FSTL5: variants seen among roughly 807,000 people sequenced by gnomAD.
FSTL5 encodes follistatin-related protein 5.
In FSTL5, 62 loss-of-function variants were observed where a neutral mutation model predicts 89.1. The observed-to-expected ratio is 0.70, with a 90% CI of 0.57 to 0.86. The LOEUF is 0.86. FSTL5 is among the 40% of genes least tolerant of loss of function. FSTL5 has a pLI of 0.00. For missense variants in FSTL5, 1,057 were observed against 1,001.6 expected (o/e 1.06, Z -0.75); for synonymous variants, 383 against 346.2 (o/e 1.11, Z -1.18).
intron 1 of FSTL5, among the ~76,000 whole-genome samples, chr4:162,156,061 A>C (rs1254052374): frequency 6.6e-6 from 1 of 152,192 alleles, no homozygotes; most frequent in Admixed American, 6.5e-5. Flanking sequence ...TTGACTTCAG[A>C]CAAAACTTGG....
intron 8 of FSTL5, among the ~76,000 whole-genome samples, chr4:161,579,763 GA>G (rs202138753): frequency 2.9e-5 from 1 of 34,682 alleles, no homozygotes; most frequent in African/African-American, 7.2e-5. Context: ...AAGAAAAAAA[GA>G]AAAAAAAATG....
chr4:161,734,786 C>T (rs578014909), intron 6 of FSTL5, among the ~76,000 whole-genome samples: 2 of 152,252 alleles, frequency 1.3e-5, no homozygotes, highest in South Asian at 2.1e-4. Context: ...TCCTCATGCA[C>T]CAAGAGAGCA....
rs190686873 is a variant in FSTL5, at chr4:161,788,395, C to T, written c.410-12321G>A. ...AACTTACACCCTTTAACCAATCTTC[C>T]CATCTCCCTCCCTTCCAAGCCTAAT... On this transcript the variant is annotated intron_variant, in intron 4 of 15. Coordinates refer to ENST00000306100, the MANE Select transcript of FSTL5 (RefSeq NM_020116.5). Among the ~76,000 whole-genome samples the T allele has an allele frequency of 3.8e-4, 58 of 152,198 alleles. 1 individual carries two copies. In the East Asian group the frequency reaches 8.5e-3, roughly 22 times the overall value.
At chr4:162,010,202 C>T (rs1220959647) in intron 3 of FSTL5, among the ~76,000 whole-genome samples, 1 of 151,966 alleles carries the variant, frequency 6.6e-6, no homozygotes, top group Admixed American at 6.6e-5. Flanking sequence ...AAACTATTTT[C>T]TTTACATTTT....
At chr4:161,543,173 G>C (rs952454533) in intron 8 of FSTL5, among the ~76,000 whole-genome samples, 1 of 151,844 alleles carries the variant, frequency 6.6e-6, no homozygotes, top group African/African-American at 2.4e-5. Context: ...TAATAATTCT[G>C]TTTACAATAG....
chr4:161,598,549 T>C (rs1434994331), intron 7 of FSTL5, among the ~76,000 whole-genome samples: 1 of 152,028 alleles, frequency 6.6e-6, no homozygotes, highest in Non-Finnish European at 1.5e-5. Context: ...ATCTACAAGA[T>C]TAAAACTAAG....
At chr4:161,576,226 T>C (rs1733203690) in intron 8 of FSTL5, among the ~76,000 whole-genome samples, 1 of 152,126 alleles carries the variant, frequency 6.6e-6, no homozygotes, top group African/African-American at 2.4e-5. Flanking sequence ...ATCAATATCA[T>C]GAAAATGGCC....
chr4:162,043,626 T>G (rs1560988317), intron 2 of FSTL5, among the ~76,000 whole-genome samples: 1 of 152,200 alleles, frequency 6.6e-6, no homozygotes, highest in Non-Finnish European at 1.5e-5. Flanking sequence ...CTTTCTTTCA[T>G]GAAAGATTTC....
intron 11 of FSTL5, among the ~76,000 whole-genome samples, chr4:161,502,831 G>C (rs546125297): frequency 5.9e-5 from 9 of 151,622 alleles, no homozygotes; most frequent in Non-Finnish European, 7.4e-5. Context: ...TCAGCAAAGA[G>C]GAATATAAAT....
At chr4:161,876,672 C>A (rs539487683) in intron 4 of FSTL5, among the ~76,000 whole-genome samples, 1 of 152,150 alleles carries the variant, frequency 6.6e-6, no homozygotes, top group Admixed American at 6.6e-5. Flanking sequence ...CCCAGGGATT[C>A]AAGGCTGCAG....
Position 161,947,215 on chromosome 4 carries a change from T to C in FSTL5, c.161-26563A>G, listed in dbSNP as rs191098418. On this transcript the variant is annotated intron_variant, in intron 3 of 15. Transcript: ENST00000306100. The stretch of plus-strand genomic sequence containing the variant: ...TGCCTATGCCTATTAAATTCCTCAA[T>C]AGAGCATTTTGATGAGCAGAAATTT... Among the ~76,000 whole-genome samples the C allele has an allele frequency of 2.1e-3, 313 of 151,820 alleles. 1 individual carries two copies. Among genetic ancestry groups the C allele is most frequent in the South Asian group, 0.017 (82 of 4,820 alleles).
chr4:162,053,652 G>A (rs557765817), intron 2 of FSTL5, among the ~76,000 whole-genome samples: 1 of 151,446 alleles, frequency 6.6e-6, no homozygotes, highest in Admixed American at 6.6e-5. Flanking sequence ...ACACATGTAA[G>A]GTATAAGATC....
rs1491313878 is a variant in FSTL5, at chr4:161,872,140, G to GTTTTT, written c.409+48263_409+48264insAAAAA. Among the ~76,000 whole-genome samples, 118 of 67,498 alleles carry GTTTTT rather than the reference G, an allele frequency of 1.7e-3. 9 individuals are homozygous for GTTTTT. The highest frequency in any genetic ancestry group is 1.9e-3 in the South Asian group (4 of 2,160). The allele number at this position is 67,498 out of a possible 152,430, so 44.3% of individuals were successfully genotyped here. A position where few individuals can be genotyped will look rare whatever the true frequency, so the allele number is the denominator to read the frequency against. On this transcript the variant is annotated intron_variant, in intron 4 of 15. Transcript: ENST00000306100. ...GGCTTTGTAGTTTGTTTTTTTTTTT[G>GTTTTT]GTTTTTTTTTTTTTTTTTGTAGAGA...
chr4:162,119,023 A>C lies in FSTL5; in HGVS notation c.-16-7611T>G, dbSNP rs569014718. Among the ~76,000 whole-genome samples, 6 of 152,260 alleles carry C rather than the reference A, an allele frequency of 3.9e-5. No homozygotes were observed. In the South Asian group the frequency reaches 1.0e-3, roughly 26 times the overall value. ...CTGAGGCCAGAAATTCAAGTTGAAGACCAGACTGGGCAATATAGCAAGACC... is the reference window on the plus strand; with the variant it reads ...CTGAGGCCAGAAATTCAAGTTGAAGCCCAGACTGGGCAATATAGCAAGACC... On this transcript the variant is annotated intron_variant, in intron 1 of 15. Coordinates refer to ENST00000306100, the MANE Select transcript of FSTL5 (RefSeq NM_020116.5).
chr4:161,940,007 C>T (rs1254016924), intron 3 of FSTL5, among the ~76,000 whole-genome samples: 1 of 151,852 alleles, frequency 6.6e-6, no homozygotes. Flanking sequence ...CTCCCCCTTT[C>T]CCAGCTCAGC....
chr4:161,774,948 T>C (rs1481510096), intron 5 of FSTL5, among the ~76,000 whole-genome samples: 2 of 152,082 alleles, frequency 1.3e-5, no homozygotes, highest in Non-Finnish European at 2.9e-5. Context: ...GAAAAGACAA[T>C]AAAAATGATG....
intron 3 of FSTL5, among the ~76,000 whole-genome samples, chr4:162,030,449 C>G (rs1455659870): frequency 1.3e-5 from 2 of 152,018 alleles, no homozygotes; most frequent in East Asian, 3.9e-4. Context: ...ATTGCAGAGT[C>G]TTAACCAAAA....
At chr4:161,796,109 C>A (rs1729625265) in intron 4 of FSTL5, among the ~76,000 whole-genome samples, 1 of 151,808 alleles carries the variant, frequency 6.6e-6, no homozygotes, top group Non-Finnish European at 1.5e-5. Context: ...ATTTTAACAC[C>A]AAACTCAACA....
chr4:161,523,699 T>C (rs1012187168), intron 10 of FSTL5, among the ~76,000 whole-genome samples: 3 of 152,134 alleles, frequency 2.0e-5, no homozygotes, highest in Admixed American at 2.0e-4. Flanking sequence ...ACAATACGTA[T>C]TTCTCCTTAA....
Sources: allele counts gnomAD v4.1 joint callset (sites outside exome capture counted in the v4.1 genomes callset), GRCh38; gene constraint gnomAD v4.1.1; transcripts MANE v1.5; gene names NCBI Gene and HGNC (gene_info 2026-07-23, HGNC 2026-07-21).